The following ERC2 variants were observed in gnomAD, a reference collection of about 807,000 sequenced individuals.
The protein encoded by ERC2 is ELKS/RAB6-interacting/CAST family member 2.
In ERC2, 42 loss-of-function variants were observed where a neutral mutation model predicts 114.8. The observed-to-expected ratio is 0.37, with a 90% CI of 0.29 to 0.47. The LOEUF (loss-of-function observed/expected upper bound fraction) is 0.47, where lower values mean the gene tolerates loss of function less well. Ranked by LOEUF, ERC2 falls within the 20% of genes least tolerant of loss-of-function variation. ERC2 has a pLI of 0.99. For missense variants in ERC2, 939 were observed against 1,150.7 expected (o/e 0.82, Z 2.66); for synonymous variants, 454 against 425.5 (o/e 1.07, Z -0.82).
Position 56,398,861 on chromosome 3 carries a change from C to T in ERC2, c.657+35490G>A, listed in dbSNP as rs564756607. Among the ~76,000 whole-genome samples the T allele has an allele frequency of 3.3e-5, 5 of 152,316 alleles. No homozygotes were observed. In the South Asian group the frequency reaches 1.0e-3, roughly 32 times the overall value. ...CTTGAACTCTTAGCCTCAGGCAATC[C>T]TCCCATTTCAGCCTCCCAAAGAGCT... On this transcript the variant is annotated intron_variant, in intron 2 of 17. Transcript: ENST00000288221.
At chr3:56,294,102 C>T (rs969382558) in intron 3 of ERC2, among the ~76,000 whole-genome samples, 3 of 152,354 alleles carry the variant, frequency 2.0e-5, no homozygotes, top group African/African-American at 7.2e-5. Context: ...ATTCCAAAAT[C>T]CACAGTTAGT....
intron 3 of ERC2, among the ~76,000 whole-genome samples, chr3:56,289,177 C>A (rs1410707262): frequency 6.6e-6 from 1 of 152,066 alleles, no homozygotes; most frequent in Non-Finnish European, 1.5e-5. Context: ...CCCTTGCCTG[C>A]CCACTGCTGT....
rs557643066 is a variant in ERC2 at position 55,730,613 on chromosome 3, G to A, written c.2712+4158C>T. Among the ~76,000 whole-genome samples the A allele has an allele frequency of 1.2e-4, 18 of 152,316 alleles. No individual in the cohort carries two copies. In the South Asian group the frequency reaches 1.9e-3, roughly 16 times the overall value. On this transcript the variant is annotated intron_variant, in intron 15 of 17. Transcript: ENST00000288221. ...GGGCTAGGCAGTGTGGCTCACACCC[G>A]TAATCCCAGCACTTTGGGAGGCCGA... is the stretch of plus-strand genomic sequence containing the variant.
rs527835738 is a variant in ERC2, at chr3:55,517,596, G to A, written c.*40-6320C>T. Among the ~76,000 whole-genome samples, 14 of 152,086 alleles carry A rather than the reference G, an allele frequency of 9.2e-5. No individual in the cohort carries two copies. In the East Asian group the frequency reaches 2.7e-3, roughly 29 times the overall value. On this transcript the variant is annotated intron_variant, in intron 17 of 17. Transcript: ENST00000288221. ...ATTAAAGTAAAAGTGCTTGTTCACAGAACACCTAAAACTATCTCCTGGATA... is the reference window on the plus strand; with the variant it reads ...ATTAAAGTAAAAGTGCTTGTTCACAAAACACCTAAAACTATCTCCTGGATA...
At chr3:56,113,434 T>A (rs930745424) in intron 6 of ERC2, among the ~76,000 whole-genome samples, 1 of 152,146 alleles carries the variant, frequency 6.6e-6, no homozygotes. Context: ...TGTAGGAAAA[T>A]ACCTTCATAT....
intron 11 of ERC2, among the ~76,000 whole-genome samples, chr3:55,990,298 T>C (rs2070961377): frequency 6.6e-6 from 1 of 152,204 alleles, no homozygotes; most frequent in South Asian, 2.1e-4. Flanking sequence ...AAAAATCAGA[T>C]TATCATCAAA....
At chr3:55,931,558 C>G (rs913776691) in intron 13 of ERC2, among the ~76,000 whole-genome samples, 1 of 152,002 alleles carries the variant, frequency 6.6e-6, no homozygotes, top group Non-Finnish European at 1.5e-5. Context: ...ACAATGAGAA[C>G]ACATGGACAC....
Position 56,211,869 on chromosome 3 carries a change from C to A in ERC2, c.1075-38349G>T, listed in dbSNP as rs118129962. ...AGTGGGGAAAGAACACCCTATTCAA[C>A]AAATGTTGCTGGGATATTTGGCAAG... On this transcript the variant is annotated intron_variant, in intron 3 of 17. Coordinates refer to ENST00000288221, the MANE Select transcript of ERC2 (RefSeq NM_015576.3). Among the ~76,000 whole-genome samples, 393 of 152,192 alleles carry A rather than the reference C, an allele frequency of 2.6e-3. 1 individual carries two copies. Among genetic ancestry groups the A allele is most frequent in the South Asian group, 0.018 (87 of 4,822 alleles).
intron 14 of ERC2, among the ~76,000 whole-genome samples, chr3:55,877,906 C>T (rs111447334): frequency 3.3e-5 from 5 of 152,082 alleles, no homozygotes; most frequent in Admixed American, 1.3e-4. Flanking sequence ...AATCTGGCAA[C>T]GCCCCCTACA....
At chr3:56,382,573 G>A (rs1338674261) in intron 2 of ERC2, among the ~76,000 whole-genome samples, 1 of 151,962 alleles carries the variant, frequency 6.6e-6, no homozygotes. Flanking sequence ...TAAAGTATTT[G>A]AAACAAATGA....
At chr3:56,009,698 A>G (rs1233575727) in intron 9 of ERC2, among the ~76,000 whole-genome samples, 1 of 152,146 alleles carries the variant, frequency 6.6e-6, no homozygotes, top group African/African-American at 2.4e-5. Context: ...AATAATGTGT[A>G]ATTACTGCTG....
chr3:56,093,783 A>G (rs1183895567), intron 6 of ERC2, among the ~76,000 whole-genome samples: 4 of 152,240 alleles, frequency 2.6e-5, no homozygotes, highest in Non-Finnish European at 4.4e-5. Flanking sequence ...ACATAAAACA[A>G]TACTAGGTGT....
intron 6 of ERC2, among the ~76,000 whole-genome samples, chr3:56,089,831 AGACATAGCATCACACT>A (rs773588646): frequency 2.0e-5 from 3 of 152,218 alleles, no homozygotes; most frequent in Non-Finnish European, 4.4e-5. Context: ...CCCTGTCACA[AGACATAGCATCACACT>A]GACTTAGAGA....
intron 14 of ERC2, among the ~76,000 whole-genome samples, chr3:55,761,992 T>C: frequency 8.5e-6 from 1 of 117,670 alleles, no homozygotes; most frequent in African/African-American, 3.4e-5. Flanking sequence ...CTCTCTCTCC[T>C]GCCACCATGT....
chr3:55,874,841 C>G (rs1206832314), intron 14 of ERC2, among the ~76,000 whole-genome samples: 2 of 152,114 alleles, frequency 1.3e-5, no homozygotes, highest in Non-Finnish European at 2.9e-5. Flanking sequence ...TGAATCAATC[C>G]CAGCGACACT....
At chr3:55,733,122 G>A (rs2148916503) in intron 15 of ERC2, among the ~76,000 whole-genome samples, 1 of 152,272 alleles carries the variant, frequency 6.6e-6, no homozygotes, top group African/African-American at 2.4e-5. Context: ...TAAACCTGTG[G>A]GAGAAAGCTA....
At chr3:56,304,859 G>T (rs1039441245) in intron 2 of ERC2, among the ~76,000 whole-genome samples, 3 of 152,160 alleles carry the variant, frequency 2.0e-5, no homozygotes, top group African/African-American at 7.2e-5. Flanking sequence ...TATATCTGCT[G>T]CAAACTGACA....
chr3:55,564,149 C>T (rs2056213378), intron 17 of ERC2, among the ~76,000 whole-genome samples: 1 of 152,124 alleles, frequency 6.6e-6, no homozygotes, highest in East Asian at 1.9e-4. Context: ...TATAGGATTT[C>T]CCTGCTGAGC....
chr3:56,018,404 TC>T (rs2073454514), intron 8 of ERC2, among the ~76,000 whole-genome samples: 1 of 152,140 alleles, frequency 6.6e-6, no homozygotes, highest in South Asian at 2.1e-4. Context: ...GTGAGGAATA[TC>T]CTCAGCTGGG....
Sources: allele counts gnomAD v4.1 joint callset (sites outside exome capture counted in the v4.1 genomes callset), GRCh38; gene constraint gnomAD v4.1.1; transcripts MANE v1.5; gene names NCBI Gene and HGNC (gene_info 2026-07-23, HGNC 2026-07-21).